ABCC1: variants seen among roughly 807,000 people sequenced by gnomAD.
ABCC1 encodes multidrug resistance-associated protein 1.
ABCC1 carries 83 observed loss-of-function variants against 172.9 expected under a neutral mutation model. The ratio of observed to expected loss-of-function variants is 0.48; its 90% CI spans 0.40 to 0.58. The LOEUF is 0.58. ABCC1 is among the 20% of genes least tolerant of loss of function. The pLI is 0.00. For missense variants in ABCC1, 1,817 were observed against 2,002.7 expected (o/e 0.91, Z 1.77); for synonymous variants, 937 against 825.2 (o/e 1.14, Z -2.32).
intron 5 of ABCC1, among the ~76,000 whole-genome samples, chr16:16,028,260 T>C (rs1466728727): frequency 6.6e-6 from 1 of 152,124 alleles, no homozygotes; most frequent in East Asian, 1.9e-4. Flanking sequence ...TAATTCTGAT[T>C]GTAATTATAT....
At chr16:16,132,226 G>A (rs2045707223) in intron 27 of ABCC1, among the ~76,000 whole-genome samples, 2 of 152,124 alleles carry the variant, frequency 1.3e-5, no homozygotes, top group South Asian at 4.1e-4. Context: ...GTCTTGCTCT[G>A]TTACCCAGGC....
chr16:16,083,680 C>A, intron 17 of ABCC1, 138 bp downstream of exon 17: 1 of 1,110,988 alleles, frequency 9.0e-7, no homozygotes, highest in Non-Finnish European at 1.3e-6. Context: ...CTGCTGCACG[C>A]TGCAGGCCAG....
intron 12 of ABCC1, among the ~76,000 whole-genome samples, chr16:16,057,209 A>T (rs1368437000): frequency 6.7e-6 from 1 of 148,498 alleles, no homozygotes. Context: ...GAAAGAAAAA[A>T]AAAGCTGGGC....
intron 5 of ABCC1, among the ~76,000 whole-genome samples, chr16:16,024,398 T>A (rs761667267): frequency 4.6e-5 from 7 of 152,064 alleles, no homozygotes; most frequent in Non-Finnish European, 7.4e-5. Flanking sequence ...GTCACCAAGG[T>A]TGGAGTGCGG....
intron 3 of ABCC1, among the ~76,000 whole-genome samples, chr16:16,010,324 G>A (rs1241170429): frequency 3.9e-5 from 6 of 152,096 alleles, no homozygotes; most frequent in Non-Finnish European, 8.8e-5. Context: ...TTATAAGCAT[G>A]AGCCACTGTT....
At chr16:16,077,118 C>T (rs1004002343) in intron 15 of ABCC1, among the ~76,000 whole-genome samples, 1 of 152,160 alleles carries the variant, frequency 6.6e-6, no homozygotes, top group Admixed American at 6.5e-5. Context: ...TGTCAAGCAC[C>T]TCTCATTTTG....
At chr16:15,971,533 G>C (rs2046369862) in intron 1 of ABCC1, among the ~76,000 whole-genome samples, 1 of 152,148 alleles carries the variant, frequency 6.6e-6, no homozygotes, top group South Asian at 2.1e-4. Context: ...TAAAATAATT[G>C]CTTAACTCCT....
At chr16:15,975,094 C>T (rs1169779309) in intron 1 of ABCC1, among the ~76,000 whole-genome samples, 2 of 152,208 alleles carry the variant, frequency 1.3e-5, no homozygotes, top group East Asian at 3.9e-4. Context: ...CAGCCTCCCC[C>T]TCACTCTTAA....
chr16:15,982,835 T>C (rs1349543395), intron 1 of ABCC1, among the ~76,000 whole-genome samples: 1 of 60,990 alleles, frequency 1.6e-5, no homozygotes, highest in Non-Finnish European at 4.5e-5. Context: ...GGAAATCCAT[T>C]CTTAGCCTGT....
intron 21 of ABCC1, among the ~76,000 whole-genome samples, chr16:16,110,441 G>A (rs1486080745): frequency 6.6e-6 from 1 of 152,080 alleles, no homozygotes; most frequent in African/African-American, 2.4e-5. Flanking sequence ...CCACGCTGGA[G>A]TGCAGTGGCG....
At chr16:16,112,371 A>G (rs2152087926) in intron 22 of ABCC1, among the ~76,000 whole-genome samples, 1 of 148,546 alleles carries the variant, frequency 6.7e-6, no homozygotes, top group South Asian at 2.1e-4. Flanking sequence ...CTCAAAAAAT[A>G]AACAAAAAAA....
chr16:16,077,805 C>T (rs188348161), intron 15 of ABCC1, among the ~76,000 whole-genome samples: 144 of 152,214 alleles, frequency 9.5e-4, no homozygotes, highest in East Asian at 2.7e-3. Flanking sequence ...GGCACATCAC[C>T]TGAAGTCCGA....
At chr16:16,109,182 T>G (rs1038818014) in intron 21 of ABCC1, among the ~76,000 whole-genome samples, 1 of 152,112 alleles carries the variant, frequency 6.6e-6, no homozygotes, top group East Asian at 1.9e-4. Flanking sequence ...ATTTTTGTTT[T>G]TTTTTCTGGT....
chr16:16,127,687 G>A (rs2045494984), intron 26 of ABCC1, among the ~76,000 whole-genome samples: 2 of 152,152 alleles, frequency 1.3e-5, no homozygotes, highest in African/African-American at 2.4e-5. Context: ...GAGGAGAGAT[G>A]CCCCTTGGGA....
In ABCC1 at chr16:16,008,557, G is replaced by A. The variant is rs759579379; in HGVS notation, c.225+565G>A. Reference sequence around the variant, plus strand: ...ATTTTGAAATAATTTAAAGCTACAGGAAAATTGCAATAATGGGCCAGGCGT... The same window carrying A: ...ATTTTGAAATAATTTAAAGCTACAGAAAAATTGCAATAATGGGCCAGGCGT... On this transcript the variant is annotated intron_variant, in intron 2 of 30. Coordinates refer to ENST00000399410, the MANE Select transcript of ABCC1 (RefSeq NM_004996.4). 3.1e-4 allele frequency among the ~76,000 whole-genome samples: 47 copies of A among 150,656 alleles called. 1 individual carries two copies. The highest frequency in any genetic ancestry group is 3.2e-4 in the Non-Finnish European group (22 of 67,766).
chr16:16,054,260 C>T (rs2049556789), intron 11 of ABCC1, among the ~76,000 whole-genome samples: 1 of 151,946 alleles, frequency 6.6e-6, no homozygotes, highest in African/African-American at 2.4e-5. Flanking sequence ...CAGGCATGAG[C>T]CACCATGCCT....
At chr16:15,977,724 A>G (rs891495748) in intron 1 of ABCC1, among the ~76,000 whole-genome samples, 3 of 152,158 alleles carry the variant, frequency 2.0e-5, no homozygotes, top group African/African-American at 7.2e-5. Context: ...CTGGGATTAC[A>G]GGTGTGAGCC....
At chr16:16,088,644 A>G (rs2152012653) in intron 18 of ABCC1, among the ~76,000 whole-genome samples, 1 of 152,322 alleles carries the variant, frequency 6.6e-6, no homozygotes, top group South Asian at 2.1e-4. Flanking sequence ...ACATTTGAAA[A>G]TCGTATTAAA....
intron 13 of ABCC1, among the ~76,000 whole-genome samples, chr16:16,070,103 T>C (rs1452703227): frequency 6.6e-6 from 1 of 152,088 alleles, no homozygotes; most frequent in Non-Finnish European, 1.5e-5. Context: ...ATTTTTTGGC[T>C]GGGCGCAGTG....
Sources: gnomAD v4.1 joint callset for allele counts (sites outside exome capture counted in the v4.1 genomes callset) on GRCh38, gnomAD v4.1.1 for gene constraint, MANE v1.5 for transcripts, NCBI Gene and HGNC (gene_info 2026-07-23, HGNC 2026-07-21) for gene names.